The following HPSE2 variants were observed in gnomAD, a reference collection of about 807,000 sequenced individuals.
HPSE2 encodes heparanase 2 (inactive).
Under a neutral mutation model 60.5 loss-of-function variants are expected in HPSE2, and 38 were observed. That is an observed-to-expected ratio of 0.63 (90% CI 0.48 to 0.82). HPSE2 has a LOEUF of 0.82. HPSE2 is among the 40% of genes least tolerant of loss of function. The probability of loss-of-function intolerance (pLI) is 0.00; values close to 1 mark genes in which losing one functional copy is unlikely to be tolerated. For synonymous variants in HPSE2, 295 were observed against 293.2 expected (o/e 1.01, Z -0.06); for missense variants, 713 against 740.4 (o/e 0.96, Z 0.43).
chr10:98,778,145 G>A (rs1048419094), intron 3 of HPSE2, among the ~76,000 whole-genome samples: 1 of 152,002 alleles, frequency 6.6e-6, no homozygotes, highest in Non-Finnish European at 1.5e-5. Context: ...ACAGAGGTGG[G>A]TGCATAACAA....
intron 3 of HPSE2, chr10:99,013,885 C>A: frequency 5.0e-6 from 2 of 401,796 alleles, no homozygotes; most frequent in South Asian, 2.0e-5. Flanking sequence ...ACTATCCAGC[C>A]CAATAATGAT....
At chr10:99,056,758 G>A (rs921574037) in intron 3 of HPSE2, among the ~76,000 whole-genome samples, 2 of 152,050 alleles carry the variant, frequency 1.3e-5, no homozygotes, top group African/African-American at 4.8e-5. Context: ...GACACAGAGA[G>A]CATTAACCAT....
rs560580142 is a variant in HPSE2, at chr10:98,696,925, AAAAC to A, written c.957-2982_957-2979del. On this transcript the variant is annotated intron_variant, in intron 5 of 11. Transcript: ENST00000370552. ...GAACAGGGACCTGACCACTGCAAGA[AAAAC>A]AAACAAACAGAAGCAAAAACAACAG... Among the ~76,000 whole-genome samples the A allele has an allele frequency of 5.9e-3, 902 of 152,320 alleles. 5 individuals are homozygous for A. The highest frequency in any genetic ancestry group is 9.6e-3 in the Non-Finnish European group (653 of 68,030).
intron 6 of HPSE2, among the ~76,000 whole-genome samples, chr10:98,665,008 T>C (rs577290755): frequency 6.6e-6 from 1 of 152,288 alleles, no homozygotes; most frequent in South Asian, 2.1e-4. Flanking sequence ...AGGAAACTCA[T>C]TGAGATCCAG....
intron 9 of HPSE2, among the ~76,000 whole-genome samples, chr10:98,549,841 T>C (rs1227289914): frequency 6.6e-6 from 1 of 152,172 alleles, no homozygotes; most frequent in Non-Finnish European, 1.5e-5. Flanking sequence ...CTCTTAGACG[T>C]GGTCTTTTCT....
chr10:98,817,149 G>A (rs1314193268), intron 3 of HPSE2, among the ~76,000 whole-genome samples: 3 of 152,152 alleles, frequency 2.0e-5, no homozygotes, highest in Admixed American at 6.5e-5. Context: ...TTTAGCCTGT[G>A]TGGAAATTTT....
chr10:99,274,677 C>G, the HPSE2 span, among the ~76,000 whole-genome samples: 1 of 152,122 alleles, frequency 6.6e-6, no homozygotes, highest in Non-Finnish European at 1.5e-5. Context: ...TTTCCAGGAG[C>G]AGCTGGAAGC....
intron 8 of HPSE2, among the ~76,000 whole-genome samples, chr10:98,615,292 G>A (rs958689921): frequency 2.0e-5 from 3 of 152,140 alleles, no homozygotes; most frequent in African/African-American, 7.2e-5. Context: ...TGTTGTGAAT[G>A]ACTTAACTTT....
intron 3 of HPSE2, among the ~76,000 whole-genome samples, chr10:98,866,786 CT>C (rs1222809891): frequency 2.0e-5 from 3 of 152,152 alleles, no homozygotes; most frequent in Non-Finnish European, 2.9e-5. Flanking sequence ...GTAAAAATAT[CT>C]TTCAAAAAAT....
chr10:98,850,809 C>A (rs1205926121), intron 3 of HPSE2, among the ~76,000 whole-genome samples: 7 of 150,330 alleles, frequency 4.7e-5, no homozygotes, highest in Non-Finnish European at 1.0e-4. Context: ...GATATTGCTA[C>A]AGTTTGATGC....
chr10:99,030,018 G>A (rs1038034309), intron 3 of HPSE2, among the ~76,000 whole-genome samples: 1 of 152,218 alleles, frequency 6.6e-6, no homozygotes, highest in Admixed American at 6.5e-5. Flanking sequence ...TGGTGGCCCT[G>A]TCTGGGCATA....
At chr10:99,079,055 C>A (rs1843041797) in intron 3 of HPSE2, among the ~76,000 whole-genome samples, 1 of 152,116 alleles carries the variant, frequency 6.6e-6, no homozygotes, top group African/African-American at 2.4e-5. Flanking sequence ...ATCTGGGATG[C>A]AGGATTTTTT....
chr10:98,722,921 T>G (rs1038770899), intron 4 of HPSE2, among the ~76,000 whole-genome samples: 1 of 152,200 alleles, frequency 6.6e-6, no homozygotes, highest in African/African-American at 2.4e-5. Flanking sequence ...CAGGGACAAT[T>G]TGACTTCCTC....
chr10:99,038,451 A>C (rs1957659200), intron 3 of HPSE2, among the ~76,000 whole-genome samples: 1 of 152,182 alleles, frequency 6.6e-6, no homozygotes, highest in Admixed American at 6.5e-5. Flanking sequence ...ATTATATAAC[A>C]TTCTTGAAGT....
chr10:98,462,019 T>C (rs2133578537), intron 11 of HPSE2, among the ~76,000 whole-genome samples: 1 of 152,314 alleles, frequency 6.6e-6, no homozygotes, highest in East Asian at 1.9e-4. Flanking sequence ...CTAGATGGCT[T>C]TGGCAAATCC....
chr10:99,098,236 C>T (rs771338133), intron 3 of HPSE2, among the ~76,000 whole-genome samples: 1 of 152,046 alleles, frequency 6.6e-6, no homozygotes. Context: ...AAAACCAATA[C>T]AGCAAAACAA....
At chr10:98,726,445 T>C (rs1009865333) in intron 4 of HPSE2, among the ~76,000 whole-genome samples, 53 of 116,116 alleles carry the variant, frequency 4.6e-4, no homozygotes, top group African/African-American at 1.7e-3. Context: ...TGAGAACACA[T>C]GGACACAGGA....
chr10:98,896,355 G>A (rs567329558), intron 3 of HPSE2, among the ~76,000 whole-genome samples: 1 of 152,234 alleles, frequency 6.6e-6, no homozygotes, highest in African/African-American at 2.4e-5. Flanking sequence ...AATACTTTTA[G>A]AACCAGCTAA....
At chr10:99,146,446 G>C (rs1410326389) in intron 2 of HPSE2, among the ~76,000 whole-genome samples, 2 of 152,220 alleles carry the variant, frequency 1.3e-5, no homozygotes, top group Non-Finnish European at 2.9e-5. Context: ...TTAAAAGAGA[G>C]AGCCTCACTA....
Sources: allele counts gnomAD v4.1 joint callset (sites outside exome capture counted in the v4.1 genomes callset), GRCh38; gene constraint gnomAD v4.1.1; transcripts MANE v1.5; gene names NCBI Gene and HGNC (gene_info 2026-07-23, HGNC 2026-07-21).